MYO16: variants seen among roughly 807,000 people sequenced by gnomAD.
MYO16 encodes the protein myosin XVI.
A neutral mutation model predicts 205.3 loss-of-function variants in MYO16; 94 were observed. The observed-to-expected ratio is 0.46, with a 90% confidence interval of 0.39 to 0.54. The LOEUF (loss-of-function observed/expected upper bound fraction) is 0.54. Among genes scored for constraint, MYO16 ranks in the 20% least tolerant of loss-of-function variants. The probability of loss-of-function intolerance (pLI) is 0.00; values close to 1 mark genes in which losing one functional copy is unlikely to be tolerated. For synonymous variants in MYO16, 988 were observed against 954.0 expected (o/e 1.04, Z -0.66); for missense variants, 2,315 against 2,387.5 (o/e 0.97, Z 0.63).
chr13:108,900,138 C>T (rs1432112617), intron 15 of MYO16, among the ~76,000 whole-genome samples: 4 of 152,040 alleles, frequency 2.6e-5, no homozygotes, highest in African/African-American at 9.7e-5. Context: ...ATTTTTTTTC[C>T]TCTTTTTTAT....
intron 1 of MYO16, among the ~76,000 whole-genome samples, chr13:108,635,235 A>C (rs7991837): frequency 0.14 from 21,610 of 152,136 alleles, 2,227 homozygotes; most frequent in African/African-American, 0.28. Flanking sequence ...GACTCGCATC[A>C]CTGCACCTCA....
intron 4 of MYO16, among the ~76,000 whole-genome samples, chr13:108,767,751 C>T (rs144657862): frequency 4.6e-5 from 7 of 152,274 alleles, no homozygotes; most frequent in African/African-American, 1.7e-4. Flanking sequence ...GTCTCCCTTC[C>T]TATTTTATTC....
At chr13:109,198,230 A>G (rs1213930505) in intron 34 of MYO16, among the ~76,000 whole-genome samples, 3 of 152,232 alleles carry the variant, frequency 2.0e-5, no homozygotes, top group Admixed American at 2.0e-4. Flanking sequence ...ATTCAAGATG[A>G]TACAAAGTAC....
intron 22 of MYO16, among the ~76,000 whole-genome samples, chr13:109,013,108 T>TCCCCCCCCCCCCCCCCCCCC (rs1177754621): frequency 1.5e-4 from 5 of 32,630 alleles, no homozygotes; most frequent in African/African-American, 4.3e-4. Flanking sequence ...ATGCTACCCC[T>TCCCCCCCCCCCCCCCCCCCC]CCCCCACCCC....
At chr13:108,644,470 T>C (rs1880662899) in intron 1 of MYO16, among the ~76,000 whole-genome samples, 1 of 152,198 alleles carries the variant, frequency 6.6e-6, no homozygotes, top group East Asian at 1.9e-4. Flanking sequence ...TTAATCCTCT[T>C]TAACTCTGTT....
chr13:108,650,943 G>T (rs1199645286), intron 1 of MYO16, among the ~76,000 whole-genome samples: 1 of 152,176 alleles, frequency 6.6e-6, no homozygotes, highest in Non-Finnish European at 1.5e-5. Flanking sequence ...CAGTAGCTAC[G>T]ATGGGATGTG....
At chr13:108,752,808 A>ATCT (rs751233713) in intron 4 of MYO16, among the ~76,000 whole-genome samples, 16,132 of 90,472 alleles carry the variant, frequency 0.18, 3,614 homozygotes, top group Non-Finnish European at 0.22. Context: ...TGCCCAGCTA[A>ATCT]TTTTTTTTTT....
intron 23 of MYO16, among the ~76,000 whole-genome samples, chr13:109,022,591 C>A (rs868565948): frequency 1.3e-4 from 17 of 131,450 alleles, no homozygotes; most frequent in African/African-American, 3.7e-4. Flanking sequence ...GTATATATTT[C>A]TATATTCTAT....
intron 16 of MYO16, among the ~76,000 whole-genome samples, chr13:108,932,521 A>C (rs1433934148): frequency 6.6e-6 from 1 of 152,204 alleles, no homozygotes; most frequent in Non-Finnish European, 1.5e-5. Context: ...TAATTCCATA[A>C]ATACATTCAT....
the MYO16 span, among the ~76,000 whole-genome samples, chr13:108,557,564 A>G: frequency 3.3e-5 from 5 of 152,296 alleles, no homozygotes; most frequent in South Asian, 8.3e-4. Flanking sequence ...AAACAATGCT[A>G]GTTGTTATCC....
At chr13:108,901,666 C>G (rs893362898) in intron 15 of MYO16, among the ~76,000 whole-genome samples, 1 of 152,146 alleles carries the variant, frequency 6.6e-6, no homozygotes, top group Admixed American at 6.5e-5. Flanking sequence ...TCATTTTGTT[C>G]CCCTAATTAA....
At chr13:108,978,675 C>T (rs1259841505) in intron 20 of MYO16, among the ~76,000 whole-genome samples, 2 of 151,826 alleles carry the variant, frequency 1.3e-5, no homozygotes, top group Non-Finnish European at 2.9e-5. Flanking sequence ...TTGTCTTATA[C>T]AATCTGTTGC....
intron 20 of MYO16, among the ~76,000 whole-genome samples, chr13:108,987,003 C>G (rs1884663178): frequency 6.6e-6 from 1 of 152,180 alleles, no homozygotes; most frequent in African/African-American, 2.4e-5. Flanking sequence ...TGAGGAGAGG[C>G]ATTTTTAAAT....
chr13:109,159,618 T>C (rs959341477), intron 32 of MYO16, among the ~76,000 whole-genome samples: 1 of 152,200 alleles, frequency 6.6e-6, no homozygotes, highest in Non-Finnish European at 1.5e-5. Flanking sequence ...AAACAAACAA[T>C]TGGGCTGTTC....
chr13:108,820,226 G>A (rs962910723), intron 7 of MYO16, 111 bp from the exon 8 acceptor site: 7 of 715,130 alleles, frequency 9.8e-6, no homozygotes, highest in African/African-American at 8.8e-5. Flanking sequence ...GAGTGGGAAT[G>A]CTGATACTGT....
intron 31 of MYO16, among the ~76,000 whole-genome samples, chr13:109,133,812 T>G (rs2139790564): frequency 6.6e-6 from 1 of 152,342 alleles, no homozygotes; most frequent in Non-Finnish European, 1.5e-5. Context: ...CAAATGAACT[T>G]TTAGCACGTG....
chr13:108,606,788 C>T (rs991446912), intron 1 of MYO16, among the ~76,000 whole-genome samples: 9 of 152,130 alleles, frequency 5.9e-5, no homozygotes, highest in African/African-American at 1.9e-4. Flanking sequence ...ACAGCTTGCA[C>T]TGTGCACCTG....
At chr13:108,621,835 C>G (rs1879554377) in intron 1 of MYO16, among the ~76,000 whole-genome samples, 1 of 152,154 alleles carries the variant, frequency 6.6e-6, no homozygotes, top group Non-Finnish European at 1.5e-5. Context: ...TGAGAGACAG[C>G]ACATTCACCT....
chr13:108,499,398 C>T, the MYO16 span, among the ~76,000 whole-genome samples: 1 of 152,188 alleles, frequency 6.6e-6, no homozygotes, highest in East Asian at 1.9e-4. Flanking sequence ...CTGTTCCAGG[C>T]CTGCGGAATC....
Sources: allele counts gnomAD v4.1 joint callset (sites outside exome capture counted in the v4.1 genomes callset), GRCh38; gene constraint gnomAD v4.1.1; transcripts MANE v1.5; gene names NCBI Gene and HGNC (gene_info 2026-07-23, HGNC 2026-07-21).